Variants in TIMM44 observed in about 807,000 individuals in gnomAD.
TIMM44 encodes the protein mitochondrial import inner membrane translocase subunit TIM44.
A neutral mutation model predicts 63.8 loss-of-function variants in TIMM44; 37 were observed. The ratio of observed to expected loss-of-function variants is 0.58; its 90% CI spans 0.45 to 0.76. The LOEUF (loss-of-function observed/expected upper bound fraction) is 0.76. Among genes scored for constraint, TIMM44 ranks in the 30% least tolerant of loss-of-function variants. The pLI is 0.00. For missense variants in TIMM44, 573 were observed against 603.8 expected, an observed-to-expected ratio of 0.95 and a Z score of 0.54; for synonymous variants, 239 against 245.1, an observed-to-expected ratio of 0.98 and a Z score of 0.23.
chr19:7,937,078 G>A (rs1027631478), intron 3 of TIMM44, among the ~76,000 whole-genome samples: 2 of 151,874 alleles, frequency 1.3e-5, no homozygotes, highest in African/African-American at 4.8e-5. Context: ...CTCCAGCCTG[G>A]GCAATGGAGT....
chr19:7,941,097 C>G lies in TIMM44; in HGVS notation c.141+5G>C, dbSNP rs767257144. 6 of 1,613,158 alleles carry G rather than the reference C, an allele frequency of 3.7e-6. No individual in the cohort carries two copies. Among genetic ancestry groups the G allele is most frequent in the Non-Finnish European group, 4.2e-6 (5 of 1,179,288 alleles). On this transcript the variant is annotated splice_donor_5th_base_variant and intron_variant, in intron 2 of 12. Coordinates refer to ENST00000270538, the MANE Select transcript of TIMM44 (RefSeq NM_006351.4). ...CTGCTGGCCCGAGCATCCTGAGTCA[C>G]TCACCAGTGGCAGCTCTCCGCCCGG...
Position 7,927,783 on chromosome 19 carries a change from GA to G in TIMM44, c.1129-17del, listed in dbSNP as rs769499371. On this transcript the variant is annotated splice_polypyrimidine_tract_variant and intron_variant, in intron 11 of 12. Coordinates refer to ENST00000270538, the MANE Select transcript of TIMM44 (RefSeq NM_006351.4). ...CCATGGCCAGCTGCAGAGGGGCCGA[GA>G]GGGGGGATGTGCCTCAGAGGACAGC... The G allele has an allele frequency of 4.4e-6, 7 of 1,606,746 alleles. No homozygotes were observed. The South Asian group carries it at 5.5e-5, about 13-fold the overall frequency.
Position 7,933,017 on chromosome 19 carries a change from C to G in TIMM44, c.770-85G>C, listed in dbSNP as rs993123190. The G allele has an allele frequency of 3.6e-6, 4 of 1,117,238 alleles. No homozygotes were observed. Among genetic ancestry groups the G allele is most frequent in the Non-Finnish European group, 5.4e-6 (4 of 746,524 alleles). The allele number at this position is 1,117,238 out of a possible 1,614,324, so 69.2% of individuals were successfully genotyped here. ...CACAGCTTCTAGAGGCTCCCTGTGA[C>G]CCCTGCGGGATCCACCCTGACACGG... On this transcript the variant is annotated intron_variant, in intron 7 of 12. Coordinates refer to ENST00000270538, the MANE Select transcript of TIMM44 (RefSeq NM_006351.4). This position sits in a 1 kb window ranked among gnomAD's most constrained non-coding sequence, Gnocchi z 4.3.
At chr19:7,936,078 T>C (rs987144727) in intron 3 of TIMM44, among the ~76,000 whole-genome samples, 16 of 151,974 alleles carry the variant, frequency 1.1e-4, no homozygotes, top group African/African-American at 3.9e-4. Flanking sequence ...CACCTGAACA[T>C]GGGAAGGTCA....
At chr19:7,937,566 C>T (rs985721621) in intron 3 of TIMM44, among the ~76,000 whole-genome samples, 1 of 152,224 alleles carries the variant, frequency 6.6e-6, no homozygotes. Flanking sequence ...TGGAGACCCG[C>T]ACCTGTCCCC....
At position 7,933,025 on chromosome 19, in the gene TIMM44, G is replaced by A. The variant is rs1020946624; in HGVS notation, c.770-93C>T. 12 of 1,032,184 alleles carry A rather than the reference G, an allele frequency of 1.2e-5. No homozygotes were observed. The Admixed American group carries it at 1.9e-4, about 16-fold the overall frequency. 63.9% of individuals were successfully genotyped at this position (1,032,184 alleles called of 1,614,324 possible). A position where few individuals can be genotyped will look rare whatever the true frequency, so the allele number is the denominator to read the frequency against. On this transcript the variant is annotated intron_variant, in intron 7 of 12. Transcript: ENST00000270538. This position sits in a 1 kb window ranked among gnomAD's most constrained non-coding sequence, Gnocchi z 4.3. ...CTAGAGGCTCCCTGTGACCCCTGCG[G>A]GATCCACCCTGACACGGGTGGGGTC...
At chr19:7,937,361 GC>G (rs765409285) in intron 3 of TIMM44, among the ~76,000 whole-genome samples, 3 of 152,370 alleles carry the variant, frequency 2.0e-5, no homozygotes, top group Middle Eastern at 6.8e-3. Context: ...GCTCTCAGGA[GC>G]GCTGCATCCC....
At chr19:7,935,400 A>C (rs548973869) in intron 3 of TIMM44, 53 of 491,150 alleles carry the variant, frequency 1.1e-4, no homozygotes, top group African/African-American at 9.8e-4. Context: ...TCTGACCTCA[A>C]GTGATCCACC....
At chr19:7,941,070 G>A (rs201594668) in intron 2 of TIMM44, 32 bp downstream of exon 2, 39 of 1,587,118 alleles carry the variant, frequency 2.5e-5, no homozygotes, top group Admixed American at 5.0e-5. Context: ...CCTCCCCTGT[G>A]TCTGCTGGCC....
intron 2 of TIMM44, among the ~76,000 whole-genome samples, chr19:7,940,659 C>T (rs1444715324): frequency 6.6e-6 from 1 of 151,982 alleles, no homozygotes; most frequent in Non-Finnish European, 1.5e-5. Flanking sequence ...TGCTGAGACA[C>T]CAACAGAAGC....
intron 10 of TIMM44, 85 bp downstream of exon 10, chr19:7,931,053 C>T: frequency 7.4e-7 from 1 of 1,344,480 alleles, no homozygotes; most frequent in Non-Finnish European, 1.0e-6. Flanking sequence ...GGGAGCTACC[C>T]CAACGGAGCC....
intron 10 of TIMM44, among the ~76,000 whole-genome samples, chr19:7,929,892 A>T (rs1322013045): frequency 6.6e-6 from 1 of 152,158 alleles, no homozygotes; most frequent in Non-Finnish European, 1.5e-5. Flanking sequence ...TCTGTTGCCC[A>T]GGCTGGAGTG....
At position 7,933,832 on chromosome 19, in the gene TIMM44, G is replaced by C; in HGVS notation, c.683+32C>G. On this transcript the variant is annotated intron_variant, in intron 6 of 12. Transcript: ENST00000270538. This position sits in a 1 kb window ranked among gnomAD's most constrained non-coding sequence, Gnocchi z 4.3. ...GACAGCAGTGAAAGCTGCCCAAAAT[G>C]GGGGCAGCGAGGGCCACGGGCTGGT... is the stretch of plus-strand genomic sequence containing the variant. 6.2e-7 allele frequency: 1 copy of C among 1,613,320 alleles called. No individual in the cohort carries two copies. The highest frequency in any genetic ancestry group is 8.5e-7 in the Non-Finnish European group (1 of 1,179,934).
Position 7,926,989 on chromosome 19 carries a change from G to T in TIMM44, c.*198C>A. 1 of 733,696 alleles carries T rather than the reference G, an allele frequency of 1.4e-6. No homozygotes were observed. The highest frequency in any genetic ancestry group is 2.2e-6 in the Non-Finnish European group (1 of 448,136). 45.4% of individuals were successfully genotyped at this position (733,696 alleles called of 1,614,324 possible). ...CAACAGGGCAGGGGTTGGCCCTGCG[G>T]GGGAGTGTCTCCAGCTGCCGCGCAC... is the stretch of plus-strand genomic sequence containing the variant. On this transcript the variant is annotated 3_prime_UTR_variant, in exon 13 of 13. Transcript: ENST00000270538.
rs1040731738 is a variant in TIMM44, at chr19:7,933,581, G to C, written c.684-11C>G. ...ACCCCCAGGGCCTCCCTGGGGAAGA[G>C]GGTGGGCCCTGGGGTGAGCGGCGGC... is the stretch of plus-strand genomic sequence containing the variant. On this transcript the variant is annotated splice_polypyrimidine_tract_variant and intron_variant, in intron 6 of 12. Transcript: ENST00000270538. This position sits in a 1 kb window ranked among gnomAD's most constrained non-coding sequence, Gnocchi z 4.3. The C allele has an allele frequency of 6.2e-7, 1 of 1,612,916 alleles. No individual in the cohort carries two copies. Among genetic ancestry groups the C allele is most frequent in the African/African-American group, 1.3e-5 (1 of 74,988 alleles).
In TIMM44 at chr19:7,927,253, C is replaced by T. The variant is rs141209361; in HGVS notation, c.1293G>A (p.Glu431=). ...YVWALCRDQD[E]LNPYAAWRLL... Reference sequence around the variant, plus strand: ...GCCGCCAGGCCGCGTAGGGGTTGAGCTCGTCCTGGTCTCGGCAGAGCGCCC... The same window carrying T: ...GCCGCCAGGCCGCGTAGGGGTTGAGTTCGTCCTGGTCTCGGCAGAGCGCCC... The change falls in exon 13 of 13, where the codon GAG becomes GAA. Residue 431 remains glutamate (E), a synonymous_variant. Coordinates refer to ENST00000270538, the MANE Select transcript of TIMM44 (RefSeq NM_006351.4). 6.9e-5 allele frequency: 112 copies of T among 1,612,348 alleles called. 1 individual carries two copies. Among genetic ancestry groups the T allele is most frequent in the Non-Finnish European group, 8.1e-5 (96 of 1,179,964 alleles).
intron 3 of TIMM44, 44 bp downstream of exon 3, chr19:7,937,983 T>A (rs55956614): frequency 0.074 from 119,276 of 1,611,456 alleles, 4,900 homozygotes; most frequent in African/African-American, 0.17. Context: ...GCACCACTAC[T>A]CTCCAGCCTG....
At chr19:7,930,303 CTTTTTTTTTT>C (rs71179159) in intron 10 of TIMM44, among the ~76,000 whole-genome samples, 10,194 of 109,626 alleles carry the variant, frequency 0.093, 408 homozygotes, top group African/African-American at 0.12. Flanking sequence ...ATGCTTGGCT[CTTTTTTTTTT>C]TTTTTTTTTT....
At chr19:7,935,188 G>A in intron 3 of TIMM44, 43 bp from the exon 4 acceptor site, 2 of 1,156,160 alleles carry the variant, frequency 1.7e-6, no homozygotes, top group Non-Finnish European at 2.3e-6. Context: ...TTTTTTTTTT[G>A]AGACAATGTC....
Sources: gnomAD v4.1 joint callset for allele counts (sites outside exome capture counted in the v4.1 genomes callset) on GRCh38, gnomAD v4.1.1 for gene constraint, Gnocchi (gnomAD v3.1) non-coding constraint, MANE v1.5 for transcripts, NCBI Gene and HGNC (gene_info 2026-07-23, HGNC 2026-07-21) for gene names.